TLN2: variants seen among roughly 807,000 people sequenced by gnomAD.
TLN2 encodes the protein talin-2.
TLN2 carries 118 observed loss-of-function variants against 294.7 expected under a neutral mutation model. The observed-to-expected ratio is 0.40, with a 90% CI of 0.34 to 0.47. The LOEUF (loss-of-function observed/expected upper bound fraction) is 0.47, where lower values mean the gene tolerates loss of function less well. Ranked by LOEUF, TLN2 falls within the 20% of genes least tolerant of loss-of-function variation. The pLI, the probability that TLN2 is intolerant of heterozygous loss-of-function variation, is 0.84. For missense variants in TLN2, 3,083 were observed against 3,282.2 expected (o/e 0.94, Z 1.48); for synonymous variants, 1,431 against 1,304.5 (o/e 1.10, Z -2.09).
intron 1 of TLN2, among the ~76,000 whole-genome samples, chr15:62,570,606 G>C (rs1401584686): frequency 6.6e-6 from 1 of 151,470 alleles, no homozygotes; most frequent in Non-Finnish European, 1.5e-5. Flanking sequence ...CCTAATTTTG[G>C]TTGCTTAAGC....
intron 32 of TLN2, among the ~76,000 whole-genome samples, chr15:62,741,737 T>C (rs2061328250): frequency 2.5e-4 from 1 of 3,980 alleles, no homozygotes; most frequent in African/African-American, 5.0e-4. Flanking sequence ...CTTGGTTTTT[T>C]AAAATTTGCG....
At chr15:62,455,537 G>A (rs750645957) in intron 1 of TLN2, among the ~76,000 whole-genome samples, 115 of 152,288 alleles carry the variant, frequency 7.6e-4, no homozygotes, top group Middle Eastern at 6.8e-3. Context: ...GTTGTGAGCT[G>A]TCTGTTGACT....
chr15:62,631,745 C>A (rs1033759291), intron 3 of TLN2, among the ~76,000 whole-genome samples: 1 of 132,708 alleles, frequency 7.5e-6, no homozygotes, highest in Non-Finnish European at 1.6e-5. Context: ...TTCTTTCTCT[C>A]TTTTCTTTTT....
intron 47 of TLN2, 124 bp downstream of exon 47, chr15:62,796,417 C>A: frequency 2.5e-6 from 3 of 1,188,350 alleles, no homozygotes; most frequent in Non-Finnish European, 3.5e-6. Flanking sequence ...ACAAGATGCA[C>A]AAGTTGGGAA....
chr15:62,791,055 C>G (rs6494362), intron 45 of TLN2, among the ~76,000 whole-genome samples: 126,220 of 152,182 alleles, frequency 0.83, 52,661 homozygotes, highest in East Asian at 1. Context: ...TTGGCTGGGC[C>G]TGGTGGCTCA....
intron 54 of TLN2, among the ~76,000 whole-genome samples, chr15:62,826,583 C>T (rs1318133257): frequency 6.6e-6 from 1 of 152,228 alleles, no homozygotes; most frequent in African/African-American, 2.4e-5. Context: ...CCACCCCATC[C>T]ATGGGTCCTC....
At chr15:62,404,630 G>C (rs983041613) in intron 1 of TLN2, among the ~76,000 whole-genome samples, 13 of 152,100 alleles carry the variant, frequency 8.5e-5, no homozygotes, top group African/African-American at 3.1e-4. Flanking sequence ...ACTTGGCACC[G>C]CACCTAGGTC....
chr15:62,787,912 G>A (rs1168904662), intron 45 of TLN2, among the ~76,000 whole-genome samples: 11 of 149,908 alleles, frequency 7.3e-5, no homozygotes, highest in Admixed American at 1.3e-4. Context: ...GGCTGGTCTC[G>A]AACTCCTGGC....
chr15:62,394,664 G>A (rs1207250707), intron 1 of TLN2, among the ~76,000 whole-genome samples: 1 of 152,132 alleles, frequency 6.6e-6, no homozygotes, highest in Non-Finnish European at 1.5e-5. Flanking sequence ...CCCCTGCAGG[G>A]CCCACACCCC....
intron 1 of TLN2, among the ~76,000 whole-genome samples, chr15:62,533,001 C>T (rs1287441174): frequency 6.6e-6 from 1 of 152,028 alleles, no homozygotes; most frequent in African/African-American, 2.4e-5. Context: ...CACCTGTTAT[C>T]CCAGCACTTT....
At chr15:62,466,368 G>T (rs567695319) in intron 1 of TLN2, among the ~76,000 whole-genome samples, 1 of 152,204 alleles carries the variant, frequency 6.6e-6, no homozygotes, top group Non-Finnish European at 1.5e-5. Context: ...CACTGTTGCC[G>T]TTTGGGGCTG....
At chr15:62,827,985 C>T (rs1653461458) in intron 54 of TLN2, 1 of 152,262 alleles carries the variant, frequency 6.6e-6, no homozygotes, top group Non-Finnish European at 1.5e-5. Context: ...TTTACCTTCT[C>T]CACTTTCCAC....
intron 32 of TLN2, among the ~76,000 whole-genome samples, chr15:62,742,024 G>GTGT (rs1491242073): frequency 0.054 from 4,457 of 82,172 alleles, 301 homozygotes; most frequent in Middle Eastern, 0.14. Flanking sequence ...CTTGTAGTGG[G>GTGT]GTGTGTGTGT....
At chr15:62,404,776 T>C (rs1053762573) in intron 1 of TLN2, among the ~76,000 whole-genome samples, 2 of 152,124 alleles carry the variant, frequency 1.3e-5, no homozygotes, top group Non-Finnish European at 2.9e-5. Flanking sequence ...AATTTTCTCC[T>C]TGAAGGGCTC....
In TLN2 at chr15:62,796,263, C is replaced by T; in HGVS notation, c.6020C>T (p.Ala2007Val). 2 of 1,614,100 alleles carry T rather than the reference C, an allele frequency of 1.2e-6. No homozygotes were observed. Among genetic ancestry groups the T allele is most frequent in the Non-Finnish European group, 1.7e-6 (2 of 1,179,986 alleles). Reference sequence around the variant, plus strand: ...TTTGCAACAGCGGGGACGCTGAATGCAGAGAACAGTGAGACCTTCGCAGAC... The same window carrying T: ...TTTGCAACAGCGGGGACGCTGAATGTAGAGAACAGTGAGACCTTCGCAGAC... Reference protein sequence around the residue: ...IMFATAGTLNAENSETFADHR... With the variant: ...IMFATAGTLNVENSETFADHR... The change falls in exon 47 of 59, where the codon GCA becomes GTA. Residue 2007 changes from alanine (A) to valine (V), a missense_variant. By Grantham distance (64) the Ala-to-Val change is moderately conservative (BLOSUM62 0). Coordinates refer to ENST00000636159, the MANE Select transcript of TLN2 (RefSeq NM_015059.3).
At position 62,809,905 on chromosome 15, in the gene TLN2, G is replaced by A. The variant is rs1438023653; in HGVS notation, c.6664-20G>A. 6.2e-7 allele frequency: 1 copy of A among 1,611,104 alleles called. No individual in the cohort carries two copies. The highest frequency in any genetic ancestry group is 8.5e-7 in the Non-Finnish European group (1 of 1,177,680). ...TGGCTTTTCCCATGTTAAGATTTCAGCATTCCTTTCTCTCTCCAGCAAGCA... is the reference window on the plus strand; with the variant it reads ...TGGCTTTTCCCATGTTAAGATTTCAACATTCCTTTCTCTCTCCAGCAAGCA... On this transcript the variant is annotated intron_variant, in intron 51 of 58. Coordinates refer to ENST00000636159, the MANE Select transcript of TLN2 (RefSeq NM_015059.3).
chr15:62,438,672 C>G (rs1407555960), intron 1 of TLN2, among the ~76,000 whole-genome samples: 1 of 152,192 alleles, frequency 6.6e-6, no homozygotes, highest in East Asian at 1.9e-4. Context: ...GAGCACAAGG[C>G]TACTGAGACC....
intron 1 of TLN2, among the ~76,000 whole-genome samples, chr15:62,436,689 T>A (rs1413657231): frequency 6.6e-6 from 1 of 152,190 alleles, no homozygotes; most frequent in Non-Finnish European, 1.5e-5. Context: ...GTGTATGGCT[T>A]GGTTATTTGC....
chr15:62,458,595 G>A (rs1321269763), intron 1 of TLN2, among the ~76,000 whole-genome samples: 1 of 71,622 alleles, frequency 1.4e-5, no homozygotes, highest in Admixed American at 2.0e-4. Context: ...GCAAAACCTC[G>A]TCTCTACAGA....
Sources: allele counts gnomAD v4.1 joint callset (sites outside exome capture counted in the v4.1 genomes callset), GRCh38; gene constraint gnomAD v4.1.1; transcripts MANE v1.5; gene names NCBI Gene and HGNC (gene_info 2026-07-23, HGNC 2026-07-21).